The following FGF2 variants were observed in gnomAD, a reference collection of about 807,000 sequenced individuals.
The protein encoded by FGF2 is fibroblast growth factor 2, also known as basic fibroblast growth factor bFGF.
A neutral mutation model predicts 15.9 loss-of-function variants in FGF2; 13 were observed. The ratio of observed to expected loss-of-function variants is 0.82; its 90% confidence interval spans 0.53 to 1.30. The LOEUF (loss-of-function observed/expected upper bound fraction) is 1.30, where lower values mean the gene tolerates loss of function less well. Among genes scored for constraint, FGF2 ranks in the 50% most tolerant of loss-of-function variants. FGF2 has a pLI of 0.00. For missense variants in FGF2, 163 were observed against 196.9 expected, an observed-to-expected ratio of 0.83 and a Z score of 1.03; for synonymous variants, 90 against 78.4, an observed-to-expected ratio of 1.15 and a Z score of -0.78.
chr4:122,871,737 C>G (rs1726738271), intron 1 of FGF2, among the ~76,000 whole-genome samples: 1 of 138,508 alleles, frequency 7.2e-6, no homozygotes, highest in Admixed American at 7.5e-5. Context: ...GAACCCCCAG[C>G]AAACTGCAGA....
intron 1 of FGF2, among the ~76,000 whole-genome samples, chr4:122,875,906 A>C (rs931722464): frequency 2.6e-5 from 4 of 152,240 alleles, no homozygotes; most frequent in African/African-American, 9.6e-5. Context: ...GTTTCAACAT[A>C]GGCAGTAGCA....
intron 1 of FGF2, among the ~76,000 whole-genome samples, chr4:122,835,372 T>G (rs1725845465): frequency 6.6e-6 from 1 of 152,140 alleles, no homozygotes; most frequent in African/African-American, 2.4e-5. Flanking sequence ...CCCAAGGTTC[T>G]GTTTTTAGCC....
In FGF2 at chr4:122,827,184, G is replaced by A; in HGVS notation, c.10G>A (p.Gly4Arg). MAA[G>R]SITTLPALPE... ...GGGCCCCGCAGGGACCATGGCAGCC[G>A]GGAGCATCACCACGCTGCCCGCCTT... Residue 4 changes from glycine to arginine, a missense_variant, in exon 1 of 3, where the codon GGG becomes AGG. Physicochemically the swap from Gly to Arg is moderately radical, Grantham distance 125. Transcript: ENST00000644866. The surrounding 1 kb of genome is among the most constrained non-coding windows in gnomAD (Gnocchi z 4.2). The A allele has an allele frequency of 6.3e-7, 1 of 1,586,960 alleles. No homozygotes were observed. The highest frequency in any genetic ancestry group is 8.6e-7 in the Non-Finnish European group (1 of 1,169,430).
At chr4:122,856,514 G>C (rs562589822) in intron 1 of FGF2, among the ~76,000 whole-genome samples, 127 of 152,258 alleles carry the variant, frequency 8.3e-4, no homozygotes, top group Middle Eastern at 3.4e-3. Context: ...TATTTATATT[G>C]CTTAGCTTCT....
At chr4:122,857,596 T>G (rs1340592242) in intron 1 of FGF2, among the ~76,000 whole-genome samples, 1 of 152,250 alleles carries the variant, frequency 6.6e-6, no homozygotes, top group Non-Finnish European at 1.5e-5. Flanking sequence ...ATTTGGGCAT[T>G]GTGTTACAGT....
At chr4:122,891,162 T>G (rs1727176535) in intron 2 of FGF2, among the ~76,000 whole-genome samples, 1 of 150,862 alleles carries the variant, frequency 6.6e-6, no homozygotes, top group Admixed American at 6.6e-5. Flanking sequence ...TGCCTCAGCC[T>G]CCCAAGTAGC....
intron 1 of FGF2, among the ~76,000 whole-genome samples, chr4:122,865,932 G>A (rs868548311): frequency 6.6e-5 from 10 of 152,320 alleles, no homozygotes; most frequent in African/African-American, 2.4e-4. Context: ...TTGGAGGAAT[G>A]CATAGGTGTA....
chr4:122,869,600 T>C (rs940432110), intron 1 of FGF2, among the ~76,000 whole-genome samples: 7 of 152,198 alleles, frequency 4.6e-5, no homozygotes, highest in African/African-American at 1.7e-4. Flanking sequence ...TTGTAACGAT[T>C]GTGAACGGGA....
At chr4:122,868,237 AC>A (rs1726647080) in intron 1 of FGF2, among the ~76,000 whole-genome samples, 1 of 152,132 alleles carries the variant, frequency 6.6e-6, no homozygotes, top group South Asian at 2.1e-4. Context: ...GGTTTGCTGC[AC>A]CCATTGACCC....
chr4:122,893,321 T>G lies in FGF2; in HGVS notation c.*925T>G. 8.4e-7 allele frequency: 1 copy of G among 1,186,544 alleles called. No individual in the cohort carries two copies. Among genetic ancestry groups the G allele is most frequent in the East Asian group, 2.5e-5 (1 of 40,648 alleles). 73.5% of individuals were successfully genotyped at this position (1,186,544 alleles called of 1,614,324 possible). A position where few individuals can be genotyped will look rare whatever the true frequency, so the allele number is the denominator to read the frequency against. ...AGTTAAAGTAGCATTATGTAAAGGCTCAAAACATTACCCTAACAAAGTAAA... is the reference window on the plus strand; with the variant it reads ...AGTTAAAGTAGCATTATGTAAAGGCGCAAAACATTACCCTAACAAAGTAAA... On this transcript the variant is annotated 3_prime_UTR_variant, in exon 3 of 3. Coordinates refer to ENST00000644866, the MANE Select transcript of FGF2 (RefSeq NM_001361665.2).
In FGF2 at chr4:122,846,302, C is replaced by T. The variant is rs1032322871; in HGVS notation, c.178+18950C>T. Among the ~76,000 whole-genome samples the T allele has an allele frequency of 2.0e-5, 3 of 152,132 alleles. No individual in the cohort carries two copies. The South Asian group carries it at 6.2e-4, about 31-fold the overall frequency. On this transcript the variant is annotated intron_variant, in intron 1 of 2. Transcript: ENST00000644866. ...AAAGTTTGAAATATTGCGACAATTA[C>T]CCAAATGTGAGACAGACATGAAATG... is the stretch of plus-strand genomic sequence containing the variant.
chr4:122,838,062 T>C (rs982302491), intron 1 of FGF2, among the ~76,000 whole-genome samples: 10 of 152,198 alleles, frequency 6.6e-5, no homozygotes, highest in African/African-American at 2.4e-4. Context: ...ACTGTTTTAA[T>C]TGAGTGTACT....
intron 1 of FGF2, among the ~76,000 whole-genome samples, chr4:122,835,180 G>C (rs955248629): frequency 8.5e-5 from 13 of 152,194 alleles, no homozygotes; most frequent in Admixed American, 7.9e-4. Flanking sequence ...ATTGGTTTGA[G>C]TACTAACTCT....
intron 2 of FGF2, chr4:122,882,242 C>T (rs1338067346): frequency 6.6e-6 from 1 of 152,200 alleles, no homozygotes; most frequent in East Asian, 1.9e-4. Flanking sequence ...TCCTCAGGAG[C>T]ACTGGCTGAA....
At chr4:122,866,477 A>G (rs888224781) in intron 1 of FGF2, among the ~76,000 whole-genome samples, 1 of 152,216 alleles carries the variant, frequency 6.6e-6, no homozygotes, top group Non-Finnish European at 1.5e-5. Flanking sequence ...CATATAATGA[A>G]CTCTTTCAAC....
chr4:122,855,409 T>C (rs1726319705), intron 1 of FGF2, among the ~76,000 whole-genome samples: 1 of 152,256 alleles, frequency 6.6e-6, no homozygotes, highest in South Asian at 2.1e-4. Flanking sequence ...TTGATTTATA[T>C]TGAAGAACTC....
rs1425267000 is a variant in FGF2, at chr4:122,865,141, G to A, written c.179-11180G>A. On this transcript the variant is annotated intron_variant, in intron 1 of 2. Coordinates refer to ENST00000644866, the MANE Select transcript of FGF2 (RefSeq NM_001361665.2). The stretch of plus-strand genomic sequence containing the variant: ...TATTTTTCTAGATCATAATGTAGAA[G>A]CTTAGATTTTTATGTTTTGTTTATC... 8.6e-5 allele frequency among the ~76,000 whole-genome samples: 13 copies of A among 152,022 alleles called. 1 individual carries two copies. The highest frequency in any genetic ancestry group is 1.9e-4 in the Non-Finnish European group (13 of 68,000).
intron 1 of FGF2, among the ~76,000 whole-genome samples, chr4:122,844,523 CTTTCTT>C (rs1726060325): frequency 1.3e-5 from 2 of 151,872 alleles, no homozygotes; most frequent in Non-Finnish European, 2.9e-5. Context: ...GGTTTTCTTT[CTTTCTT>C]TTTCTTTTTT....
intron 1 of FGF2, among the ~76,000 whole-genome samples, chr4:122,870,070 T>C (rs1726697880): frequency 6.6e-6 from 1 of 152,230 alleles, no homozygotes; most frequent in South Asian, 2.1e-4. Flanking sequence ...CAAAGGCCTT[T>C]TCTGCATCTA....
Sources: gnomAD v4.1 joint callset for allele counts (sites outside exome capture counted in the v4.1 genomes callset) on GRCh38, gnomAD v4.1.1 for gene constraint, Gnocchi (gnomAD v3.1) non-coding constraint, MANE v1.5 for transcripts, NCBI Gene and HGNC (gene_info 2026-07-23, HGNC 2026-07-21) for gene names.